DYNC2H1: variants seen among roughly 807,000 people sequenced by gnomAD.
DYNC2H1 encodes the protein dynein cytoplasmic 2 heavy chain 1.
DYNC2H1 carries 410 observed loss-of-function variants against 570.0 expected under a neutral mutation model. That is an observed-to-expected ratio of 0.72 (90% confidence interval 0.66 to 0.78). The LOEUF (loss-of-function observed/expected upper bound fraction) is 0.78. DYNC2H1 is among the 30% of genes least tolerant of loss of function. DYNC2H1 has a pLI of 0.00. For synonymous variants in DYNC2H1, 1,688 were observed against 1,677.6 expected (o/e 1.01, Z -0.15); for missense variants, 4,865 against 5,046.4 (o/e 0.96, Z 1.09).
chr11:103,359,340 A>T (rs1320675943), intron 83 of DYNC2H1, among the ~76,000 whole-genome samples: 1 of 152,106 alleles, frequency 6.6e-6, no homozygotes, highest in Admixed American at 6.5e-5. Context: ...CATTCTTTGA[A>T]GTTTTGCACT....
intron 88 of DYNC2H1, chr11:103,474,196 ACAAAGT>A (rs1259899872): frequency 1.3e-5 from 2 of 158,010 alleles, no homozygotes; most frequent in African/African-American, 2.4e-5. Context: ...TCTTAACAGA[ACAAAGT>A]CAGAGTATTC....
In DYNC2H1 at chr11:103,432,212, G is replaced by A. The variant is rs78046857; in HGVS notation, c.12367-3731G>A. 3.0e-3 allele frequency among the ~76,000 whole-genome samples: 458 copies of A among 152,174 alleles called. 20 individuals carry two copies. In the East Asian group the frequency reaches 0.072, roughly 24 times the overall value. ...CTGACAAATAGTTCATCGTTGTTAC[G>A]TAGAATAAGAGAAGACAACACTTCA... is the stretch of plus-strand genomic sequence containing the variant. On this transcript the variant is annotated intron_variant, in intron 84 of 88. Coordinates refer to ENST00000375735, the MANE Select transcript of DYNC2H1 (RefSeq NM_001377.3).
intron 85 of DYNC2H1, among the ~76,000 whole-genome samples, chr11:103,443,678 A>G (rs1038116334): frequency 1.3e-5 from 2 of 151,600 alleles, no homozygotes; most frequent in Admixed American, 1.3e-4. Context: ...TTTAACCTCC[A>G]TAGATTCAAA....
chr11:103,371,927 G>GTTTTTTTTTTTTTTTTTTTTTTTTTT (rs60335910), intron 83 of DYNC2H1, among the ~76,000 whole-genome samples: 2 of 67,880 alleles, frequency 2.9e-5, no homozygotes, highest in Non-Finnish European at 4.9e-5. Context: ...TCCCATTTGG[G>GTTTTTTTTTTTTTTTTTTTTTTTTTT]TTTTTTTTTT....
At chr11:103,236,059 C>A (rs1403173499) in intron 62 of DYNC2H1, among the ~76,000 whole-genome samples, 1 of 151,824 alleles carries the variant, frequency 6.6e-6, no homozygotes, top group Non-Finnish European at 1.5e-5. Flanking sequence ...ACTGAGATGA[C>A]TGAATTATTT....
rs146123206 is a variant in DYNC2H1, at chr11:103,243,895, CT to C, written c.9918+105del. 0.039 allele frequency: 28,607 copies of C among 739,652 alleles called. 669 individuals are homozygous for C. Among genetic ancestry groups the C allele is most frequent in the Middle Eastern group, 0.058 (167 of 2,856 alleles). 45.8% of individuals were successfully genotyped at this position (739,652 alleles called of 1,614,324 possible). On this transcript the variant is annotated intron_variant, in intron 64 of 88. Coordinates refer to ENST00000375735, the MANE Select transcript of DYNC2H1 (RefSeq NM_001377.3). The surrounding 1 kb of genome is among the most constrained non-coding windows in gnomAD (Gnocchi z 4.8). ...AACATAGATTCAACACTGGGTCCTA[CT>C]GTATGGGACCTTGGGCGAGAGATAT...
Position 103,243,229 on chromosome 11 carries a change from C to G in DYNC2H1, c.9820-464C>G, listed in dbSNP as rs1181223800. Among the ~76,000 whole-genome samples, 1 of 150,874 alleles carries G rather than the reference C, an allele frequency of 6.6e-6. No homozygotes were observed. Among genetic ancestry groups the G allele is most frequent in the Non-Finnish European group, 1.5e-5 (1 of 67,822 alleles). On this transcript the variant is annotated intron_variant, in intron 63 of 88. Coordinates refer to ENST00000375735, the MANE Select transcript of DYNC2H1 (RefSeq NM_001377.3). The surrounding 1 kb of genome is among the most constrained non-coding windows in gnomAD (Gnocchi z 4.8). Reference sequence around the variant, plus strand: ...ATTTGCTCATACTTCTTTTTATGGCCTTTATAGTTTTTATTCAAACAAAGA... The same window carrying G: ...ATTTGCTCATACTTCTTTTTATGGCGTTTATAGTTTTTATTCAAACAAAGA...
chr11:103,240,119 A>C (rs970501939), intron 63 of DYNC2H1, among the ~76,000 whole-genome samples: 3 of 152,150 alleles, frequency 2.0e-5, no homozygotes, highest in African/African-American at 7.2e-5. Context: ...GAGATGTCTA[A>C]AAGGTTGGGG....
At chr11:103,413,445 G>C (rs1199963277) in intron 84 of DYNC2H1, among the ~76,000 whole-genome samples, 1 of 152,022 alleles carries the variant, frequency 6.6e-6, no homozygotes, top group Admixed American at 6.6e-5. Flanking sequence ...TATGAAATTT[G>C]ATACTCTCAT....
At chr11:103,132,211 T>C (rs1303758792) in intron 13 of DYNC2H1, among the ~76,000 whole-genome samples, 1 of 152,128 alleles carries the variant, frequency 6.6e-6, no homozygotes, top group African/African-American at 2.4e-5. Flanking sequence ...TCAAATTACA[T>C]AAACTCTCTT....
rs182738361 is a variant in DYNC2H1 at position 103,129,838 on chromosome 11, C to T, written c.1953+833C>T. ...CAAAAATAAGCAGAAGAGGTATATA[C>T]CATTTTATTTTTTTCTATTTGAAAG... On this transcript the variant is annotated intron_variant, in intron 13 of 88. Transcript: ENST00000375735. This position sits in a 1 kb window ranked among gnomAD's most constrained non-coding sequence, Gnocchi z 4.1. Among the ~76,000 whole-genome samples, 1 of 152,112 alleles carries T rather than the reference C, an allele frequency of 6.6e-6. No individual in the cohort carries two copies. Among genetic ancestry groups the T allele is most frequent in the African/African-American group, 2.4e-5 (1 of 41,518 alleles).
chr11:103,125,690 A>G (rs970316985), intron 12 of DYNC2H1, among the ~76,000 whole-genome samples: 1 of 152,160 alleles, frequency 6.6e-6, no homozygotes, highest in East Asian at 1.9e-4. Context: ...ACCTATGGGC[A>G]CATTGCCATC....
intron 84 of DYNC2H1, chr11:103,403,318 TG>T (rs1942718562): frequency 1.3e-5 from 2 of 151,924 alleles, no homozygotes; most frequent in African/African-American, 4.8e-5. Context: ...GTGTAGGGGG[TG>T]TGTAATAAAT....
intron 59 of DYNC2H1, among the ~76,000 whole-genome samples, chr11:103,226,524 CTT>C (rs1309211910): frequency 6.6e-6 from 1 of 152,112 alleles, no homozygotes; most frequent in Non-Finnish European, 1.5e-5. Flanking sequence ...CATTTATCGA[CTT>C]AACGTATGTT....
chr11:103,291,509 A>G (rs1273506663), intron 75 of DYNC2H1, among the ~76,000 whole-genome samples: 2 of 152,228 alleles, frequency 1.3e-5, no homozygotes, highest in East Asian at 1.9e-4. Context: ...TTTAAGAGTT[A>G]TAAGTATACA....
intron 82 of DYNC2H1, among the ~76,000 whole-genome samples, chr11:103,335,736 G>A (rs549077469): frequency 1.3e-5 from 2 of 152,036 alleles, no homozygotes; most frequent in East Asian, 3.9e-4. Context: ...TATATGTGGC[G>A]TTATCCTTTT....
At chr11:103,451,792 A>C (rs141670589) in intron 85 of DYNC2H1, among the ~76,000 whole-genome samples, 1 of 152,280 alleles carries the variant, frequency 6.6e-6, no homozygotes, top group East Asian at 1.9e-4. Flanking sequence ...AACCTATCTC[A>C]GTTTTACATA....
At chr11:103,372,724 C>G (rs1187926223) in intron 83 of DYNC2H1, among the ~76,000 whole-genome samples, 1 of 152,058 alleles carries the variant, frequency 6.6e-6, no homozygotes, top group Non-Finnish European at 1.5e-5. Context: ...GTGTCCTTCT[C>G]TGGTTTTGGA....
rs1476010831 is a variant in DYNC2H1, at chr11:103,275,759, C to T, written c.10696-4589C>T. On this transcript the variant is annotated intron_variant, in intron 70 of 88. Transcript: ENST00000375735. The surrounding 1 kb of genome is among the most constrained non-coding windows in gnomAD (Gnocchi z 4.8). The stretch of plus-strand genomic sequence containing the variant: ...GGAGGACCACAGTTTATCCATTCGG[C>T]ATCTACTGAAGGAAATCTTGGTTGC... 2.6e-5 allele frequency among the ~76,000 whole-genome samples: 4 copies of T among 152,074 alleles called. No homozygotes were observed. The highest frequency in any genetic ancestry group is 9.7e-5 in the African/African-American group (4 of 41,402).
Sources: allele counts gnomAD v4.1 joint callset (sites outside exome capture counted in the v4.1 genomes callset), GRCh38; gene constraint gnomAD v4.1.1; non-coding constraint Gnocchi (gnomAD v3.1); transcripts MANE v1.5; gene names NCBI Gene and HGNC (gene_info 2026-07-23, HGNC 2026-07-21).